Variants in CYREN observed in about 807,000 individuals in gnomAD.
CYREN encodes cell cycle regulator of non-homologous end joining.
CYREN carries 7 observed loss-of-function variants against 9.7 expected under a neutral mutation model. The ratio of observed to expected loss-of-function variants is 0.72; its 90% CI spans 0.41 to 1.36. The LOEUF (loss-of-function observed/expected upper bound fraction) is 1.36. Among genes scored for constraint, CYREN ranks in the 40% most tolerant of loss-of-function variants. The probability of loss-of-function intolerance (pLI) is 0.01; values close to 1 mark genes in which losing one functional copy is unlikely to be tolerated. For synonymous variants in CYREN, 76 were observed against 77.9 expected, an observed-to-expected ratio of 0.98 and a Z score of 0.13; for missense variants, 215 against 198.1, an observed-to-expected ratio of 1.09 and a Z score of -0.51.
intron 2 of CYREN, among the ~76,000 whole-genome samples, chr7:135,123,439 G>T (rs182512962): frequency 6.6e-6 from 1 of 152,086 alleles, no homozygotes; most frequent in Non-Finnish European, 1.5e-5. Context: ...TGAGGGAGAC[G>T]GAGAATGGAA....
intron 2 of CYREN, among the ~76,000 whole-genome samples, chr7:135,101,829 C>T (rs1423847834): frequency 6.6e-6 from 1 of 152,202 alleles, no homozygotes; most frequent in Non-Finnish European, 1.5e-5. Flanking sequence ...TCAATTATAG[C>T]TCCCATAATT....
chr7:135,164,447 C>G, downstream of CYREN: 1 of 1,597,022 alleles, frequency 6.3e-7, no homozygotes. Flanking sequence ...TAGAGATGGC[C>G]GGCCCAAGGC....
chr7:135,094,801 C>G (rs776597778), intron 2 of CYREN, among the ~76,000 whole-genome samples: 1 of 152,162 alleles, frequency 6.6e-6, no homozygotes, highest in Non-Finnish European at 1.5e-5. Context: ...GGAATTTATT[C>G]AGATTACATA....
chr7:135,147,707 G>A (rs1310987078), intron 2 of CYREN: 1 of 451,894 alleles, frequency 2.2e-6, no homozygotes, highest in Non-Finnish European at 4.4e-6. Context: ...AAGGAAATGA[G>A]TAGGAGGTGA....
intron 2 of CYREN, among the ~76,000 whole-genome samples, chr7:135,125,078 C>CA (rs758413481): frequency 6.6e-6 from 1 of 151,616 alleles, no homozygotes; most frequent in African/African-American, 2.4e-5. Context: ...GATAGAGACA[C>CA]AAAAAACTCC....
rs762432325 is a variant in CYREN, at chr7:135,135,359, A to G, written n.356+33390T>C. ...AAAGCCCTCCCCTTCCCCTTTCCCT[A>G]TCTCTCCCCTTACACATGCATATGC... is the stretch of plus-strand genomic sequence containing the variant. On this transcript the variant is annotated intron_variant and non_coding_transcript_variant, in intron 2 of 2. Coordinates refer to the CYREN transcript ENST00000459937. 8.8e-6 allele frequency: 10 copies of G among 1,138,066 alleles called. No homozygotes were observed. The Admixed American group carries it at 1.9e-4, about 22-fold the overall frequency. The allele number at this position is 1,138,066 out of a possible 1,614,324, so 70.5% of individuals were successfully genotyped here. A position where few individuals can be genotyped will look rare whatever the true frequency, so the allele number is the denominator to read the frequency against.
At chr7:135,156,300 A>G (rs1324344305) in intron 2 of CYREN, among the ~76,000 whole-genome samples, 2 of 152,288 alleles carry the variant, frequency 1.3e-5, no homozygotes, top group East Asian at 3.9e-4. Context: ...TATGTTTTCT[A>G]AACTTTCTAA....
chr7:135,134,564 G>C (rs1232194026), intron 2 of CYREN, among the ~76,000 whole-genome samples: 1 of 151,946 alleles, frequency 6.6e-6, no homozygotes, highest in Non-Finnish European at 1.5e-5. Flanking sequence ...GTAAGGAGCT[G>C]GGGCCCAGAG....
At chr7:135,114,212 C>A (rs1453499588) in intron 2 of CYREN, among the ~76,000 whole-genome samples, 1 of 152,082 alleles carries the variant, frequency 6.6e-6, no homozygotes, top group African/African-American at 2.4e-5. Context: ...GGGCATATAA[C>A]CAGAAGTGGA....
At chr7:135,128,899 A>C in intron 2 of CYREN, 2 of 1,438,398 alleles carry the variant, frequency 1.4e-6, no homozygotes, top group Non-Finnish European at 2.0e-6. Context: ...CAGCAGATAA[A>C]ATGCTTTAAT....
intron 2 of CYREN, among the ~76,000 whole-genome samples, chr7:135,100,519 G>T (rs182936764): frequency 6.6e-6 from 1 of 152,150 alleles, no homozygotes; most frequent in Non-Finnish European, 1.5e-5. Flanking sequence ...ACAACAGAGA[G>T]ACCATGGTAT....
intron 2 of CYREN, among the ~76,000 whole-genome samples, chr7:135,133,067 GCACACACACACACACA>G (rs55861736): frequency 2.7e-5 from 4 of 150,320 alleles, no homozygotes; most frequent in South Asian, 4.2e-4. Flanking sequence ...ACGCATGCGT[GCACACACACACACACA>G]CACACACACA....
intron 2 of CYREN, among the ~76,000 whole-genome samples, chr7:135,141,525 G>A (rs913305117): frequency 2.8e-4 from 42 of 151,762 alleles, no homozygotes; most frequent in Admixed American, 2.0e-3. Flanking sequence ...TTGATCTTTC[G>A]TATGTTTTTT....
intron 2 of CYREN, among the ~76,000 whole-genome samples, chr7:135,123,236 C>T (rs1827392381): frequency 6.6e-6 from 1 of 152,206 alleles, no homozygotes; most frequent in Middle Eastern, 3.4e-3. Context: ...GCACAAGAAC[C>T]TTGTGAAGCA....
At chr7:135,169,199 T>C (rs773533961) in intron 1 of CYREN, 139 bp from the exon 2 acceptor site, 8 of 310,214 alleles carry the variant, frequency 2.6e-5, no homozygotes, top group Admixed American at 5.0e-5. Context: ...GCAGGTGTGA[T>C]TGTGGGCAGG....
chr7:135,097,017 A>G (rs961994062), intron 2 of CYREN, among the ~76,000 whole-genome samples: 2 of 152,218 alleles, frequency 1.3e-5, no homozygotes. Context: ...AAGTGTTTTT[A>G]TGACCCAAGA....
intron 2 of CYREN, among the ~76,000 whole-genome samples, chr7:135,104,316 T>G (rs1824314020): frequency 6.6e-6 from 1 of 152,236 alleles, no homozygotes; most frequent in African/African-American, 2.4e-5. Context: ...CAGTCCACCA[T>G]TGATAGGCAT....
At chr7:135,119,234 A>AT (rs965976239) in intron 2 of CYREN, among the ~76,000 whole-genome samples, 169 of 148,054 alleles carry the variant, frequency 1.1e-3, no homozygotes, top group East Asian at 2.4e-3. Flanking sequence ...CAAAATTTAA[A>AT]TTTTTTTTTT....
intron 2 of CYREN, among the ~76,000 whole-genome samples, chr7:135,149,533 G>GC (rs1829620445): frequency 6.6e-6 from 1 of 152,120 alleles, no homozygotes; most frequent in Non-Finnish European, 1.5e-5. Flanking sequence ...TGCTGTCTTA[G>GC]GATAGATTTA....
Sources: gnomAD v4.1 joint callset for allele counts (sites outside exome capture counted in the v4.1 genomes callset) on GRCh38, gnomAD v4.1.1 for gene constraint, MANE v1.5 for transcripts, NCBI Gene and HGNC (gene_info 2026-07-23, HGNC 2026-07-21) for gene names.